Variants in MGST2 observed in about 807,000 individuals in gnomAD.
The protein encoded by MGST2 is microsomal glutathione S-transferase 2, also known as glutathione peroxidase MGST2.
Under a neutral mutation model 16.6 loss-of-function variants are expected in MGST2, and 9 were observed. The observed-to-expected ratio is 0.54, with a 90% CI of 0.33 to 0.95. The LOEUF (loss-of-function observed/expected upper bound fraction) is 0.95. Among genes scored for constraint, MGST2 ranks in the 40% least tolerant of loss-of-function variants. The pLI, the probability that MGST2 is intolerant of heterozygous loss-of-function variation, is 0.03. For synonymous variants in MGST2, 79 were observed against 68.0 expected, an observed-to-expected ratio of 1.16 and a Z score of -0.79; for missense variants, 159 against 175.1, an observed-to-expected ratio of 0.91 and a Z score of 0.52.
chr4:139,672,058 C>G (rs1730720052), intron 1 of MGST2, among the ~76,000 whole-genome samples: 1 of 152,206 alleles, frequency 6.6e-6, no homozygotes, highest in Non-Finnish European at 1.5e-5. Flanking sequence ...AATCCTCTTT[C>G]TTGGGGCTGG....
chr4:139,668,801 T>C (rs1332423013), intron 1 of MGST2, among the ~76,000 whole-genome samples: 1 of 152,014 alleles, frequency 6.6e-6, no homozygotes, highest in African/African-American at 2.4e-5. Flanking sequence ...CCCTGGAGGA[T>C]ATTGATAAGA....
At chr4:139,701,968 G>A (rs377274283) in intron 3 of MGST2, among the ~76,000 whole-genome samples, 21 of 146,074 alleles carry the variant, frequency 1.4e-4, no homozygotes, top group East Asian at 2.0e-4. Flanking sequence ...CCTGTCTCAA[G>A]AAAAAAAAAA....
At chr4:139,693,146 G>A (rs528898886) in intron 2 of MGST2, among the ~76,000 whole-genome samples, 1 of 152,168 alleles carries the variant, frequency 6.6e-6, no homozygotes, top group South Asian at 2.1e-4. Context: ...GGCTGGGCGC[G>A]GTGGCTCACG....
intron 1 of MGST2, among the ~76,000 whole-genome samples, chr4:139,671,923 C>T (rs765323815): frequency 3.9e-5 from 6 of 151,950 alleles, no homozygotes; most frequent in Non-Finnish European, 5.9e-5. Flanking sequence ...ATTACAGGCA[C>T]GAACTACCGC....
chr4:139,754,153 G>C, the MGST2 span, among the ~76,000 whole-genome samples: 2 of 152,220 alleles, frequency 1.3e-5, no homozygotes, highest in Non-Finnish European at 2.9e-5. Flanking sequence ...ACTTGAACAA[G>C]TGCATAATGC....
rs1329645327 is a variant in MGST2, at chr4:139,720,016, C to A, written c.*48+15820C>A. ...GACCAAAGCCACTCACCATTCCAAC[C>A]CCCTGCCCAGAGGCAGGTTGCCTCG... is the stretch of plus-strand genomic sequence containing the variant. On this transcript the variant is annotated intron_variant, in intron 5 of 5. Coordinates refer to the MGST2 transcript ENST00000616265. 1.9e-6 allele frequency: 3 copies of A among 1,614,072 alleles called. No homozygotes were observed. In the Admixed American group the frequency reaches 5.0e-5, roughly 27 times the overall value.
At chr4:139,724,576 G>A (rs1018571118) in intron 5 of MGST2, among the ~76,000 whole-genome samples, 1 of 152,108 alleles carries the variant, frequency 6.6e-6, no homozygotes. Context: ...AGGCTTCATA[G>A]CTTTTTGCAG....
intron 1 of MGST2, among the ~76,000 whole-genome samples, chr4:139,673,036 C>G (rs1560735521): frequency 6.6e-6 from 1 of 152,122 alleles, no homozygotes; most frequent in Non-Finnish European, 1.5e-5. Flanking sequence ...AACACATTGC[C>G]TCTAATACTC....
rs376421236 is a variant in MGST2 at position 139,665,916 on chromosome 4, C to T, written c.-104C>T. ...GCCGCTTGAATCAGCCTTTTCCCCC[C>T]ACCCGGTCCCCAACTTTGTTTACCC... On this transcript the variant is annotated 5_prime_UTR_variant, in exon 1 of 5. Transcript: ENST00000265498. 1.4e-4 allele frequency: 162 copies of T among 1,170,336 alleles called. No homozygotes were observed. The highest frequency in any genetic ancestry group is 1.8e-4 in the Non-Finnish European group (144 of 789,454). The allele number at this position is 1,170,336 out of a possible 1,614,324, so 72.5% of individuals were successfully genotyped here.
intron 2 of MGST2, among the ~76,000 whole-genome samples, chr4:139,692,993 T>C (rs1452906283): frequency 6.6e-6 from 1 of 152,230 alleles, no homozygotes; most frequent in African/African-American, 2.4e-5. Context: ...AACAATCTTA[T>C]CACACCTAAT....
chr4:139,669,580 T>C (rs1467153825), intron 1 of MGST2, among the ~76,000 whole-genome samples: 2 of 152,236 alleles, frequency 1.3e-5, no homozygotes, highest in East Asian at 3.8e-4. Context: ...AGGTCCTTCT[T>C]CGAAGAGAGA....
chr4:139,707,863 A>C (rs1408450330), downstream of MGST2, among the ~76,000 whole-genome samples: 1 of 151,866 alleles, frequency 6.6e-6, no homozygotes, highest in Non-Finnish European at 1.5e-5. Flanking sequence ...TCTTTTGAGA[A>C]GTGTCTGTTC....
At chr4:139,669,854 G>A (rs1474255991) in intron 1 of MGST2, among the ~76,000 whole-genome samples, 3 of 152,238 alleles carry the variant, frequency 2.0e-5, no homozygotes, top group African/African-American at 7.2e-5. Context: ...AGGAAATGGG[G>A]AATGCAGACA....
downstream of MGST2, chr4:139,704,315 TG>T (rs538005604): frequency 2.9e-4 from 251 of 853,470 alleles, no homozygotes; most frequent in Non-Finnish European, 4.4e-4. Context: ...GAAATTTGCT[TG>T]GGGTAGGTAC....
chr4:139,723,342 C>T (rs567064689), intron 5 of MGST2, among the ~76,000 whole-genome samples: 2 of 152,096 alleles, frequency 1.3e-5, no homozygotes, highest in Non-Finnish European at 2.9e-5. Context: ...CACAGTTTTG[C>T]TCTTGTTGCC....
At chr4:139,703,619 T>A in intron 4 of MGST2, 83 bp downstream of exon 4, 1 of 1,280,454 alleles carries the variant, frequency 7.8e-7, no homozygotes, top group Non-Finnish European at 1.1e-6. Context: ...TGAGAGATAT[T>A]AACAGCACTG....
At chr4:139,680,981 C>A (rs1247669319) in intron 2 of MGST2, among the ~76,000 whole-genome samples, 2 of 151,948 alleles carry the variant, frequency 1.3e-5, no homozygotes, top group African/African-American at 4.8e-5. Flanking sequence ...CCAGGTGAGG[C>A]CTTTTCACAG....
downstream of MGST2, among the ~76,000 whole-genome samples, chr4:139,707,275 C>T (rs1298046046): frequency 1.3e-5 from 2 of 151,632 alleles, no homozygotes; most frequent in Admixed American, 6.6e-5. Context: ...TTGTTCAATT[C>T]CCACCTATGA....
At chr4:139,676,680 C>G (rs1730976992) in intron 1 of MGST2, among the ~76,000 whole-genome samples, 1 of 152,140 alleles carries the variant, frequency 6.6e-6, no homozygotes, top group African/African-American at 2.4e-5. Flanking sequence ...GGTGTTTGAC[C>G]AAACAACTAG....
Sources: allele counts gnomAD v4.1 joint callset (sites outside exome capture counted in the v4.1 genomes callset), GRCh38; gene constraint gnomAD v4.1.1; transcripts MANE v1.5; gene names NCBI Gene and HGNC (gene_info 2026-07-23, HGNC 2026-07-21).